Variants in TTLL7 observed in about 807,000 individuals in gnomAD.
The protein encoded by TTLL7 is tubulin polyglutamylase TTLL7.
A neutral mutation model predicts 120.2 loss-of-function variants in TTLL7; 53 were observed. The ratio of observed to expected loss-of-function variants is 0.44; its 90% confidence interval spans 0.35 to 0.55. TTLL7 has a LOEUF of 0.55. TTLL7 is among the 20% of genes least tolerant of loss of function. The pLI is 0.00. For synonymous variants in TTLL7, 353 were observed against 351.7 expected, an observed-to-expected ratio of 1.00 and a Z score of -0.04; for missense variants, 803 against 1,054.7, an observed-to-expected ratio of 0.76 and a Z score of 3.31.
At chr1:83,886,116 C>T (rs1654951480) in intron 19 of TTLL7, among the ~76,000 whole-genome samples, 1 of 151,968 alleles carries the variant, frequency 6.6e-6, no homozygotes, top group African/African-American at 2.4e-5. Context: ...TTCATGAAAT[C>T]CAGAGACTTA....
chr1:83,971,866 A>G (rs978855599), intron 1 of TTLL7, among the ~76,000 whole-genome samples: 1 of 152,096 alleles, frequency 6.6e-6, no homozygotes, highest in Non-Finnish European at 1.5e-5. Context: ...ATTGGGAAGA[A>G]GGGATTTAGA....
chr1:83,907,369 G>T, intron 16 of TTLL7, 87 bp downstream of exon 16: 2 of 1,178,602 alleles, frequency 1.7e-6, no homozygotes, highest in Non-Finnish European at 2.5e-6. Flanking sequence ...AAGGATCTGA[G>T]GTTCAGTCTG....
intron 1 of TTLL7, among the ~76,000 whole-genome samples, chr1:83,986,693 T>A (rs967288746): frequency 1.3e-5 from 2 of 152,094 alleles, no homozygotes; most frequent in Admixed American, 6.6e-5. Flanking sequence ...AACACAAAAT[T>A]GGCCAGGAGT....
chr1:83,961,157 C>T (rs982775391), intron 1 of TTLL7, among the ~76,000 whole-genome samples: 5 of 152,092 alleles, frequency 3.3e-5, no homozygotes, highest in African/African-American at 4.8e-5. Context: ...GTAGCCTATT[C>T]CCAGAGCCTG....
chr1:83,931,818 T>G (rs889863677), intron 9 of TTLL7, among the ~76,000 whole-genome samples: 1 of 152,208 alleles, frequency 6.6e-6, no homozygotes, highest in Non-Finnish European at 1.5e-5. Flanking sequence ...TAACTAAAAG[T>G]TATCACATAC....
chr1:83,914,736 T>C (rs1657994093), intron 14 of TTLL7, among the ~76,000 whole-genome samples: 1 of 152,324 alleles, frequency 6.6e-6, no homozygotes, highest in South Asian at 2.1e-4. Flanking sequence ...CTTTCTTCTC[T>C]ATGGGGCTGT....
intron 7 of TTLL7, among the ~76,000 whole-genome samples, chr1:83,941,079 G>A (rs1283523504): frequency 1.3e-5 from 2 of 151,948 alleles, no homozygotes; most frequent in African/African-American, 4.8e-5. Flanking sequence ...CCATTCTTTT[G>A]CCTGGAGCTC....
At chr1:83,907,929 A>G (rs1657344047) in intron 15 of TTLL7, among the ~76,000 whole-genome samples, 2 of 152,118 alleles carry the variant, frequency 1.3e-5, no homozygotes, top group Non-Finnish European at 2.9e-5. Flanking sequence ...TCCTGAAAAC[A>G]TGAGCTAAGA....
intron 5 of TTLL7, chr1:83,947,526 A>T: frequency 2.7e-6 from 1 of 369,902 alleles, no homozygotes; most frequent in South Asian, 3.9e-5. Flanking sequence ...ACTAATTTAC[A>T]TATTAGTACA....
chr1:83,892,952 A>AAGAAAAAGAAAGAAAGAAAG (rs143741135), intron 18 of TTLL7, among the ~76,000 whole-genome samples: 2 of 128,978 alleles, frequency 1.6e-5, no homozygotes, highest in African/African-American at 3.4e-5. Flanking sequence ...GAAAGAAAGA[A>AAGAAAAAGAAAGAAAGAAAG]AAGAATAAAA....
intron 7 of TTLL7, 71 bp downstream of exon 7, chr1:83,942,392 C>T (rs1648064805): frequency 7.9e-7 from 1 of 1,271,624 alleles, no homozygotes; most frequent in Non-Finnish European, 1.1e-6. Context: ...AATCTATATG[C>T]CTAATGGATG....
Position 83,922,653 on chromosome 1 carries a change from G to A in TTLL7, c.1143-1259C>T, listed in dbSNP as rs1180685872. ...GTCATTCAGGATTACTGGAGCTCTG[G>A]GTGAATGCAAGAAACTCAGCTTCTC... On this transcript the variant is annotated intron_variant, in intron 10 of 20. Coordinates refer to ENST00000260505, the MANE Select transcript of TTLL7 (RefSeq NM_024686.6). 3.3e-5 allele frequency among the ~76,000 whole-genome samples: 5 copies of A among 151,492 alleles called. 1 individual carries two copies. The highest frequency in any genetic ancestry group is 2.9e-5 in the Non-Finnish European group (2 of 67,874).
chr1:83,969,519 A>T (rs1156845625), intron 1 of TTLL7, among the ~76,000 whole-genome samples: 1 of 151,948 alleles, frequency 6.6e-6, no homozygotes, highest in Non-Finnish European at 1.5e-5. Context: ...GGTGGCCTAT[A>T]ATGTTTGTCT....
chr1:83,960,071 A>T (rs987269829), intron 1 of TTLL7, among the ~76,000 whole-genome samples: 1 of 152,202 alleles, frequency 6.6e-6, no homozygotes, highest in Non-Finnish European at 1.5e-5. Flanking sequence ...AATTCTTAAT[A>T]TAAAGAATAA....
chr1:83,886,939 T>C (rs996222054), intron 19 of TTLL7, among the ~76,000 whole-genome samples: 9 of 152,172 alleles, frequency 5.9e-5, no homozygotes, highest in Admixed American at 1.3e-4. Context: ...TTCCAAGAGC[T>C]ATTTCCCTAA....
At chr1:83,927,516 A>G (rs1462516217) in intron 10 of TTLL7, among the ~76,000 whole-genome samples, 2 of 152,130 alleles carry the variant, frequency 1.3e-5, no homozygotes, top group Admixed American at 1.3e-4. Context: ...GCTATGTGGG[A>G]AAAATAATGA....
intron 1 of TTLL7, among the ~76,000 whole-genome samples, chr1:83,983,200 C>T (rs1023378219): frequency 3.3e-5 from 5 of 151,928 alleles, no homozygotes; most frequent in East Asian, 1.9e-4. Flanking sequence ...GGCATGGTGG[C>T]GCACACTGTA....
At chr1:83,993,917 G>A (rs1011454437) in intron 1 of TTLL7, among the ~76,000 whole-genome samples, 1 of 152,196 alleles carries the variant, frequency 6.6e-6, no homozygotes, top group Non-Finnish European at 1.5e-5. Flanking sequence ...GAATACTCAA[G>A]CTTATTTAAG....
chr1:83,961,033 T>C lies in TTLL7; in HGVS notation c.-176-8646A>G, dbSNP rs141956915. ...AAAACCTGATAACAGCCAAGTATGA[T>C]ATTATGTAAGAATAAACACAAGAAC... On this transcript the variant is annotated intron_variant, in intron 1 of 20. Coordinates refer to ENST00000260505, the MANE Select transcript of TTLL7 (RefSeq NM_024686.6). Among the ~76,000 whole-genome samples the C allele has an allele frequency of 1.2e-3, 190 of 152,246 alleles. 1 individual carries two copies. Among genetic ancestry groups the C allele is most frequent in the African/African-American group, 4.3e-3 (177 of 41,556 alleles).
Sources: allele counts gnomAD v4.1 joint callset (sites outside exome capture counted in the v4.1 genomes callset), GRCh38; gene constraint gnomAD v4.1.1; transcripts MANE v1.5; gene names NCBI Gene and HGNC (gene_info 2026-07-23, HGNC 2026-07-21).